The following CDC20B variants were observed in gnomAD, a reference collection of about 807,000 sequenced individuals.
CDC20B encodes cell division cycle 20B, also known as cell division cycle protein 20 homolog B.
A neutral mutation model predicts 64.1 loss-of-function variants in CDC20B; 58 were observed. The ratio of observed to expected loss-of-function variants is 0.90; its 90% CI spans 0.73 to 1.13. CDC20B has a LOEUF of 1.13. Among genes scored for constraint, CDC20B ranks in the 50% most tolerant of loss-of-function variants. The probability of loss-of-function intolerance (pLI) is 0.00; values close to 1 mark genes in which losing one functional copy is unlikely to be tolerated. For missense variants in CDC20B, 597 were observed against 633.0 expected (o/e 0.94, Z 0.61); for synonymous variants, 243 against 230.6 (o/e 1.05, Z -0.49).
At chr5:55,170,720 C>T in intron 2 of CDC20B, 1 of 532,508 alleles carries the variant, frequency 1.9e-6, no homozygotes. Flanking sequence ...GCTAACAATA[C>T]ACTGCCTACC....
intron 2 of CDC20B, among the ~76,000 whole-genome samples, chr5:55,155,509 A>G (rs1743783552): frequency 6.6e-6 from 1 of 152,070 alleles, no homozygotes; most frequent in African/African-American, 2.4e-5. Flanking sequence ...CCCACCCACC[A>G]CCAGCCCAAT....
intron 2 of CDC20B, among the ~76,000 whole-genome samples, chr5:55,167,453 A>G (rs1432801284): frequency 6.6e-6 from 1 of 152,200 alleles, no homozygotes; most frequent in Non-Finnish European, 1.5e-5. Flanking sequence ...CAGACTCTGG[A>G]GGAGGAATCC....
intron 11 of CDC20B, among the ~76,000 whole-genome samples, chr5:55,115,938 A>G (rs1043727401): frequency 6.6e-6 from 1 of 152,172 alleles, no homozygotes; most frequent in Non-Finnish European, 1.5e-5. Context: ...GGATGCCTCC[A>G]AGGGGACATG....
chr5:55,134,151 T>A (rs1743099218), intron 5 of CDC20B, among the ~76,000 whole-genome samples: 1 of 152,180 alleles, frequency 6.6e-6, no homozygotes, highest in Non-Finnish European at 1.5e-5. Context: ...AAGACCATAC[T>A]AAGTTCAAAC....
chr5:55,164,995 T>G (rs532653168), intron 2 of CDC20B: 14 of 152,218 alleles, frequency 9.2e-5, no homozygotes, highest in African/African-American at 3.4e-4. Context: ...AAGTCAGTCT[T>G]TATTTTTGCG....
intron 9 of CDC20B, 27 bp from the exon 10 acceptor site, chr5:55,120,577 A>C (rs773429830): frequency 3.7e-6 from 6 of 1,610,710 alleles, no homozygotes; most frequent in Admixed American, 1.7e-5. Flanking sequence ...AATAGCACAG[A>C]CAGGTCAGCT....
At chr5:55,134,170 G>T (rs747070025) in intron 5 of CDC20B, among the ~76,000 whole-genome samples, 5 of 152,056 alleles carry the variant, frequency 3.3e-5, no homozygotes, top group African/African-American at 1.2e-4. Context: ...ACCACAGGCC[G>T]CTGTCTTTTC....
chr5:55,126,754 G>A (rs1041973737), intron 8 of CDC20B, among the ~76,000 whole-genome samples: 1 of 152,132 alleles, frequency 6.6e-6, no homozygotes, highest in African/African-American at 2.4e-5. Context: ...CTCAAGTGAA[G>A]CCAGCAATCT....
At chr5:55,118,174 A>T (rs1455352474) in intron 11 of CDC20B, among the ~76,000 whole-genome samples, 2 of 152,130 alleles carry the variant, frequency 1.3e-5, no homozygotes, top group East Asian at 3.8e-4. Context: ...TTCTAGCTTA[A>T]CCCCAAATTT....
In CDC20B at chr5:55,161,244, G is replaced by T. The variant is rs375307186; in HGVS notation, c.126+11344C>A. 5.0e-6 allele frequency: 8 copies of T among 1,613,338 alleles called. No individual in the cohort carries two copies. Among genetic ancestry groups the T allele is most frequent in the Non-Finnish European group, 6.8e-6 (8 of 1,179,638 alleles). On this transcript the variant is annotated intron_variant, in intron 2 of 11. Transcript: ENST00000381375. ...GGATCTGAAGGAGAACCTGCATTTA[G>T]ATTTCTTGTTGGTAAATATCTGCCT...
chr5:55,136,300 C>T (rs1052522165), intron 5 of CDC20B, among the ~76,000 whole-genome samples: 2 of 151,476 alleles, frequency 1.3e-5, no homozygotes, highest in African/African-American at 4.8e-5. Context: ...TGGTTCACAC[C>T]TGTAATCCCA....
intron 5 of CDC20B, among the ~76,000 whole-genome samples, chr5:55,139,053 T>C (rs1386327615): frequency 6.9e-6 from 1 of 145,060 alleles, no homozygotes; most frequent in African/African-American, 2.5e-5. Context: ...TGATTTACAA[T>C]GAGTTTTTTT....
chr5:55,164,077 G>A, intron 2 of CDC20B: 1 of 1,592,350 alleles, frequency 6.3e-7, no homozygotes, highest in Non-Finnish European at 8.6e-7. Flanking sequence ...AGGAACCAAG[G>A]TGGAATTTTT....
Position 55,116,260 on chromosome 5 carries a change from G to A in CDC20B, c.1460-1942C>T, listed in dbSNP as rs547700623. 5.9e-5 allele frequency among the ~76,000 whole-genome samples: 9 copies of A among 152,196 alleles called. No homozygotes were observed. The East Asian group carries it at 1.5e-3, about 26-fold the overall frequency. On this transcript the variant is annotated intron_variant, in intron 11 of 11. Transcript: ENST00000381375. ...TTTTAAAAGGATAAATATAGGAGACGGACACAGTGGCACACGCCTGCAGTC... is the reference window on the plus strand; with the variant it reads ...TTTTAAAAGGATAAATATAGGAGACAGACACAGTGGCACACGCCTGCAGTC...
intron 3 of CDC20B, among the ~76,000 whole-genome samples, chr5:55,145,306 GA>G (rs1242765128): frequency 6.6e-6 from 1 of 152,114 alleles, no homozygotes; most frequent in Non-Finnish European, 1.5e-5. Flanking sequence ...TCATTGATTT[GA>G]AAAAAATCTG....
intron 11 of CDC20B, 105 bp downstream of exon 11, chr5:55,119,696 A>C: frequency 5.6e-6 from 4 of 709,988 alleles, no homozygotes; most frequent in Non-Finnish European, 9.9e-6. Flanking sequence ...TGAAATGTGT[A>C]CTTAGAAAAA....
At chr5:55,160,878 A>C in intron 2 of CDC20B, 4 of 1,115,326 alleles carry the variant, frequency 3.6e-6, no homozygotes, top group East Asian at 2.6e-5. Flanking sequence ...AATATGAAAA[A>C]AACATCAATC....
intron 2 of CDC20B, among the ~76,000 whole-genome samples, chr5:55,162,082 A>T (rs909546683): frequency 7.7e-6 from 1 of 130,588 alleles, no homozygotes; most frequent in Non-Finnish European, 1.6e-5. Context: ...GTTCTAAACC[A>T]TATTAGTCAA....
rs768743886 is a variant in CDC20B at position 55,113,245 on chromosome 5, G to A, written c.*973C>T. On this transcript the variant is annotated 3_prime_UTR_variant, in exon 12 of 12. Coordinates refer to ENST00000381375, the MANE Select transcript of CDC20B (RefSeq NM_001170402.1). ...ATTAACATTCAAAAGACAGAACAGC[G>A]AACTGATCAAGTTTGAAGGAACCTT... 7 of 152,176 alleles carry A rather than the reference G, an allele frequency of 4.6e-5. No homozygotes were observed. Among genetic ancestry groups the A allele is most frequent in the African/African-American group, 9.7e-5 (4 of 41,426 alleles). 9.4% of individuals were successfully genotyped at this position (152,176 alleles called of 1,614,324 possible). A position where few individuals can be genotyped will look rare whatever the true frequency, so the allele number is the denominator to read the frequency against.
Sources: allele counts gnomAD v4.1 joint callset (sites outside exome capture counted in the v4.1 genomes callset), GRCh38; gene constraint gnomAD v4.1.1; transcripts MANE v1.5; gene names NCBI Gene and HGNC (gene_info 2026-07-23, HGNC 2026-07-21).